The following MGMT variants were observed in gnomAD, a reference collection of about 807,000 sequenced individuals.
The protein encoded by MGMT is O-6-methylguanine-DNA methyltransferase, also known as methylated-DNA--protein-cysteine methyltransferase.
A neutral mutation model predicts 15.9 loss-of-function variants in MGMT; 14 were observed. The observed-to-expected ratio is 0.88, with a 90% CI of 0.58 to 1.37. The LOEUF (loss-of-function observed/expected upper bound fraction) is 1.37, where lower values mean the gene tolerates loss of function less well. Ranked by LOEUF, MGMT falls within the 40% of genes most tolerant of loss-of-function variation. The pLI is 0.00. For synonymous variants in MGMT, 130 were observed against 118.2 expected (o/e 1.10, Z -0.65); for missense variants, 282 against 268.1 (o/e 1.05, Z -0.36).
At chr10:129,472,355 T>C (rs1334277461) in intron 1 of MGMT, among the ~76,000 whole-genome samples, 2 of 151,992 alleles carry the variant, frequency 1.3e-5, no homozygotes, top group Admixed American at 6.5e-5. Context: ...AGACAGTAAA[T>C]ACATATTTTT....
intron 2 of MGMT, among the ~76,000 whole-genome samples, chr10:129,632,855 C>T (rs1370826560): frequency 1.3e-5 from 2 of 151,920 alleles, no homozygotes; most frequent in East Asian, 3.9e-4. Flanking sequence ...CAGAGGAATA[C>T]TTAGATACGA....
intron 2 of MGMT, among the ~76,000 whole-genome samples, chr10:129,650,391 T>C (rs2133097018): frequency 6.6e-6 from 1 of 152,348 alleles, no homozygotes; most frequent in Admixed American, 6.5e-5. Context: ...GTCTGTGACC[T>C]AAAGCCCTTG....
intron 2 of MGMT, among the ~76,000 whole-genome samples, chr10:129,578,722 A>G (rs900868303): frequency 1.3e-5 from 2 of 152,246 alleles, no homozygotes; most frequent in Non-Finnish European, 2.9e-5. Context: ...ACTGTCTTTC[A>G]CATCCTGGGA....
intron 3 of MGMT, among the ~76,000 whole-genome samples, chr10:129,724,946 G>A (rs1848414941): frequency 6.6e-6 from 1 of 152,226 alleles, no homozygotes; most frequent in African/African-American, 2.4e-5. Context: ...GATACTGAGT[G>A]CACTCTCAGT....
Position 129,729,660 on chromosome 10 carries a change from C to T in MGMT, c.274+21617C>T, listed in dbSNP as rs149122610. On this transcript the variant is annotated intron_variant, in intron 3 of 4. Coordinates refer to ENST00000651593, the MANE Select transcript of MGMT (RefSeq NM_002412.5). ...TTAAAGCTTGCCAGTTTCCTTTTGCCCGTCCTTCTGACAGCTCTGTCAGTA... is the reference window on the plus strand; with the variant it reads ...TTAAAGCTTGCCAGTTTCCTTTTGCTCGTCCTTCTGACAGCTCTGTCAGTA... Among the ~76,000 whole-genome samples the T allele has an allele frequency of 4.5e-3, 685 of 152,324 alleles. 6 individuals carry two copies. The highest frequency in any genetic ancestry group is 0.016 in the African/African-American group (649 of 41,566).
chr10:129,485,792 A>G (rs577852628), intron 1 of MGMT, among the ~76,000 whole-genome samples: 6 of 152,290 alleles, frequency 3.9e-5, no homozygotes, highest in African/African-American at 1.4e-4. Flanking sequence ...CCACCAAGTT[A>G]TTAGTGGACT....
rs947445800 is a variant in MGMT at position 129,566,799 on chromosome 10, C to G, written c.125+30422C>G. Among the ~76,000 whole-genome samples, 1 of 152,122 alleles carries G rather than the reference C, an allele frequency of 6.6e-6. No individual in the cohort carries two copies. Among genetic ancestry groups the G allele is most frequent in the South Asian group, 2.1e-4 (1 of 4,812 alleles). On this transcript the variant is annotated intron_variant, in intron 2 of 4. Coordinates refer to ENST00000651593, the MANE Select transcript of MGMT (RefSeq NM_002412.5). The surrounding 1 kb of genome is among the most constrained non-coding windows in gnomAD (Gnocchi z 4.1). Reference sequence around the variant, plus strand: ...TCCCTCTGATTCCACGGAGGAGCTGCGGAAAGTCCACATTTTTGAAGAGCT... The same window carrying G: ...TCCCTCTGATTCCACGGAGGAGCTGGGGAAAGTCCACATTTTTGAAGAGCT...
In MGMT at chr10:129,606,409, G is replaced by A. The variant is rs187736224; in HGVS notation, c.125+70032G>A. 1.2e-3 allele frequency among the ~76,000 whole-genome samples: 187 copies of A among 152,292 alleles called. 1 individual carries two copies. The highest frequency in any genetic ancestry group is 4.4e-3 in the African/African-American group (183 of 41,562). On this transcript the variant is annotated intron_variant, in intron 2 of 4. Transcript: ENST00000651593. ...TCTTCGTTGACTTTTGTCTCTTTTGGTAATTGGTGGCTTTTCCTGCCGTAT... is the reference window on the plus strand; with the variant it reads ...TCTTCGTTGACTTTTGTCTCTTTTGATAATTGGTGGCTTTTCCTGCCGTAT...
At chr10:129,645,945 G>T (rs1847383613) in intron 2 of MGMT, among the ~76,000 whole-genome samples, 1 of 152,176 alleles carries the variant, frequency 6.6e-6, no homozygotes, top group Non-Finnish European at 1.5e-5. Flanking sequence ...ACTGCAGAAG[G>T]CAACGCTGGC....
intron 1 of MGMT, among the ~76,000 whole-genome samples, chr10:129,488,432 T>C (rs1050312701): frequency 3.3e-5 from 5 of 152,336 alleles, no homozygotes; most frequent in South Asian, 2.1e-4. Context: ...TATTAACTTA[T>C]AGGATTATCT....
rs760047565 is a variant in MGMT at position 129,497,191 on chromosome 10, G to A, written c.-13+29895G>A. 5.9e-5 allele frequency among the ~76,000 whole-genome samples: 9 copies of A among 152,212 alleles called. No homozygotes were observed. In the East Asian group the frequency reaches 7.7e-4, roughly 13 times the overall value. On this transcript the variant is annotated intron_variant, in intron 1 of 4. Coordinates refer to ENST00000651593, the MANE Select transcript of MGMT (RefSeq NM_002412.5). ...CCTTTATATTTCCTAGCCACAGCTC[G>A]TACCACTCCCCCGTCTCTGCACCAG...
intron 1 of MGMT, among the ~76,000 whole-genome samples, chr10:129,527,589 T>G (rs1845884673): frequency 6.8e-6 from 1 of 147,678 alleles, no homozygotes; most frequent in Non-Finnish European, 1.5e-5. Flanking sequence ...GGCTCTTTTC[T>G]TTTCTCCTGT....
At chr10:129,718,676 G>T (rs1404108539) in intron 3 of MGMT, among the ~76,000 whole-genome samples, 1 of 151,976 alleles carries the variant, frequency 6.6e-6, no homozygotes, top group Non-Finnish European at 1.5e-5. Flanking sequence ...GTCAAGAGCT[G>T]GACCATGTGC....
chr10:129,767,006 A>T lies in MGMT; in HGVS notation c.*9A>T. 6.3e-7 allele frequency: 1 copy of T among 1,579,078 alleles called. No individual in the cohort carries two copies. The highest frequency in any genetic ancestry group is 8.6e-7 in the Non-Finnish European group (1 of 1,161,948). The stretch of plus-strand genomic sequence containing the variant: ...CTGCTGGCCGAAACTGAGTATGTGC[A>T]GTAGGATGGATGTTTGAGCGACACA... On this transcript the variant is annotated 3_prime_UTR_variant, in exon 5 of 5. Coordinates refer to ENST00000651593, the MANE Select transcript of MGMT (RefSeq NM_002412.5).
intron 3 of MGMT, among the ~76,000 whole-genome samples, chr10:129,741,856 C>G (rs891584284): frequency 2.4e-4 from 36 of 152,184 alleles, no homozygotes; most frequent in Non-Finnish European, 1.0e-4. Context: ...ATTTGGGTGC[C>G]TGGGCCCACC....
At chr10:129,711,313 G>A (rs1191444410) in intron 3 of MGMT, among the ~76,000 whole-genome samples, 4 of 152,228 alleles carry the variant, frequency 2.6e-5, no homozygotes, top group African/African-American at 9.6e-5. Context: ...AGAAATTTCA[G>A]ATGGTTCAAC....
chr10:129,507,185 C>T (rs1004509737), intron 1 of MGMT, among the ~76,000 whole-genome samples: 6 of 152,184 alleles, frequency 3.9e-5, no homozygotes, highest in Admixed American at 1.3e-4. Context: ...CTCTGTGAGC[C>T]GTCAGGCAGG....
At chr10:129,739,770 T>A (rs1848609197) in intron 3 of MGMT, among the ~76,000 whole-genome samples, 1 of 152,128 alleles carries the variant, frequency 6.6e-6, no homozygotes, top group Non-Finnish European at 1.5e-5. Context: ...ACATTATGAG[T>A]TTTTTTATGA....
chr10:129,709,649 CT>C (rs1173564435), intron 3 of MGMT, among the ~76,000 whole-genome samples: 1 of 152,050 alleles, frequency 6.6e-6, no homozygotes, highest in Non-Finnish European at 1.5e-5. Context: ...CATATGGAGG[CT>C]GGGAGAATGA....
Sources: gnomAD v4.1 joint callset for allele counts (sites outside exome capture counted in the v4.1 genomes callset) on GRCh38, gnomAD v4.1.1 for gene constraint, Gnocchi (gnomAD v3.1) non-coding constraint, MANE v1.5 for transcripts, NCBI Gene and HGNC (gene_info 2026-07-23, HGNC 2026-07-21) for gene names.